Variants in ITPKB observed in about 807,000 individuals in gnomAD.
ITPKB encodes inositol-trisphosphate 3-kinase B.
Under a neutral mutation model 69.4 loss-of-function variants are expected in ITPKB, and 13 were observed. The observed-to-expected ratio is 0.19, with a 90% CI of 0.12 to 0.30. The LOEUF (loss-of-function observed/expected upper bound fraction) is 0.30. Ranked by LOEUF, ITPKB falls within the 10% of genes least tolerant of loss-of-function variation. The pLI is 1.00. For synonymous variants in ITPKB, 584 were observed against 513.7 expected, an observed-to-expected ratio of 1.14 and a Z score of -1.85; for missense variants, 1,240 against 1,250.5, an observed-to-expected ratio of 0.99 and a Z score of 0.13.
Position 226,647,222 on chromosome 1 carries a change from C to T in ITPKB, c.2191G>A (p.Asp731Asn). ...GGCGAGTCGAAGTCGGCCAGCAGGT[C>T]GTCCATCTGGTTGTAGCGCTCCCCG... ...KDGERYNQMD[D>N]LLADFDSPCV... Residue 731 changes from aspartate to asparagine, a missense_variant, in exon 4 of 8, where the codon GAC (aspartate) becomes AAC (asparagine). Transcript: ENST00000429204. 1 of 1,614,238 alleles carries T rather than the reference C, an allele frequency of 6.2e-7. No individual in the cohort carries two copies. The highest frequency in any genetic ancestry group is 8.5e-7 in the Non-Finnish European group (1 of 1,180,054).
intron 2 of ITPKB, among the ~76,000 whole-genome samples, chr1:226,674,272 T>G (rs1669680619): frequency 6.6e-6 from 1 of 152,156 alleles, no homozygotes; most frequent in South Asian, 2.1e-4. Flanking sequence ...CCATCTCGGC[T>G]CACTGCAACC....
intron 2 of ITPKB, among the ~76,000 whole-genome samples, chr1:226,717,000 C>G (rs1657112664): frequency 6.6e-6 from 1 of 152,158 alleles, no homozygotes; most frequent in South Asian, 2.1e-4. Flanking sequence ...GAGAAATAAC[C>G]ATGCCTTTTA....
Position 226,736,871 on chromosome 1 carries a change from C to T in ITPKB, c.588G>A (p.Arg196=), listed in dbSNP as rs752248466. Residue 196 remains arginine, a synonymous_variant, in exon 2 of 8, where the codon CGG becomes CGA. Coordinates refer to ENST00000429204, the MANE Select transcript of ITPKB (RefSeq NM_002221.4). ...PPGRVLVQGA[R]SEERRTKSWG... is the part of the protein sequence containing the mutation. ...AGGACTTTGTCCTCCGTTCCTCGCT[C>T]CGGGCGCCCTGAACCAGGACCCTTC... 2 of 1,611,232 alleles carry T rather than the reference C, an allele frequency of 1.2e-6. No homozygotes were observed. The highest frequency in any genetic ancestry group is 1.7e-6 in the Non-Finnish European group (2 of 1,180,026).
At chr1:226,732,581 A>T (rs934070766) in intron 2 of ITPKB, among the ~76,000 whole-genome samples, 1 of 151,656 alleles carries the variant, frequency 6.6e-6, no homozygotes, top group Non-Finnish European at 1.5e-5. Flanking sequence ...TGACAGAACA[A>T]TTTTGAAATA....
rs1393502648 is a variant in ITPKB, at chr1:226,738,418, G to C, written c.-206+623C>G. Among the ~76,000 whole-genome samples the C allele has an allele frequency of 6.6e-6, 1 of 152,222 alleles. No individual in the cohort carries two copies. Among genetic ancestry groups the C allele is most frequent in the Non-Finnish European group, 1.5e-5 (1 of 68,028 alleles). On this transcript the variant is annotated intron_variant, in intron 1 of 7. Coordinates refer to ENST00000429204, the MANE Select transcript of ITPKB (RefSeq NM_002221.4). This position sits in a 1 kb window ranked among gnomAD's most constrained non-coding sequence, Gnocchi z 4.2. ...CTACACGTTCTCTTTACCGGAACCAGTACTTGCTGCCCCCCTGCCGTCGTC... is the reference window on the plus strand; with the variant it reads ...CTACACGTTCTCTTTACCGGAACCACTACTTGCTGCCCCCCTGCCGTCGTC...
chr1:226,721,568 T>C (rs568167760), intron 2 of ITPKB, among the ~76,000 whole-genome samples: 5 of 151,764 alleles, frequency 3.3e-5, no homozygotes, highest in African/African-American at 1.2e-4. Context: ...CAATCTCAGC[T>C]CACTGCAACC....
chr1:226,733,722 G>A (rs1010638561), intron 2 of ITPKB, among the ~76,000 whole-genome samples: 7 of 152,096 alleles, frequency 4.6e-5, no homozygotes, highest in South Asian at 2.1e-4. Context: ...GGCTGGCCTC[G>A]TTTCTACCTC....
rs566386252 is a variant in ITPKB, at chr1:226,707,109, A to G, written c.1932+28418T>C. 1.6e-4 allele frequency: 134 copies of G among 829,868 alleles called. No individual in the cohort carries two copies. The South Asian group carries it at 4.7e-3, about 29-fold the overall frequency. The allele number at this position is 829,868 out of a possible 1,614,324, so 51.4% of individuals were successfully genotyped here. A position where few individuals can be genotyped will look rare whatever the true frequency, so the allele number is the denominator to read the frequency against. On this transcript the variant is annotated intron_variant, in intron 2 of 7. Coordinates refer to ENST00000429204, the MANE Select transcript of ITPKB (RefSeq NM_002221.4). ...TTCCAGGCCAGCGCAATTAAGAACAATTTCACAAGGAAATAAAGGGACCTA... is the reference window on the plus strand; with the variant it reads ...TTCCAGGCCAGCGCAATTAAGAACAGTTTCACAAGGAAATAAAGGGACCTA...
intron 2 of ITPKB, among the ~76,000 whole-genome samples, chr1:226,650,729 G>A (rs1190894388): frequency 1.3e-5 from 2 of 152,234 alleles, no homozygotes; most frequent in Non-Finnish European, 2.9e-5. Context: ...GTGGGAGGAG[G>A]GGAGCCCAGA....
intron 2 of ITPKB, among the ~76,000 whole-genome samples, chr1:226,729,601 CAG>C (rs1657529757): frequency 6.6e-6 from 1 of 151,478 alleles, no homozygotes; most frequent in Admixed American, 6.6e-5. Context: ...GTTTTTGAGA[CAG>C]AGTCTTGCTC....
chr1:226,734,707 G>A (rs1657694767), intron 2 of ITPKB, among the ~76,000 whole-genome samples: 1 of 152,178 alleles, frequency 6.6e-6, no homozygotes, highest in Non-Finnish European at 1.5e-5. Flanking sequence ...ATAAACTCCT[G>A]TCTACTGCCA....
chr1:226,705,526 T>A (rs1476890271), intron 2 of ITPKB, among the ~76,000 whole-genome samples: 2 of 112,088 alleles, frequency 1.8e-5, no homozygotes, highest in African/African-American at 3.3e-5. Flanking sequence ...CAAAACGCCA[T>A]CTCAAAAAAA....
At position 226,736,812 on chromosome 1, in the gene ITPKB, T is replaced by A. The variant is rs780636799; in HGVS notation, c.647A>T (p.Asp216Val). Reference sequence around the variant, plus strand: ...GCTGGGCCCTCCTTTCCTCCCGGAGTCGGTTCCTGAAGTCTCTGGACATTG... The same window carrying A: ...GCTGGGCCCTCCTTTCCTCCCGGAGACGGTTCCTGAAGTCTCTGGACATTG... ...GEQCPETSGT[D>V]SGRKGGPSLC... The change falls in exon 2 of 8, where the codon GAC becomes GTC. Residue 216 changes from aspartate (D) to valine (V), a missense_variant. Physicochemically the swap from Asp to Val is radical, Grantham distance 152. This residue lies in a region of ITPKB where 992 missense variants were observed against 853.8 expected (regional missense o/e 1.16). Coordinates refer to ENST00000429204, the MANE Select transcript of ITPKB (RefSeq NM_002221.4). 10 of 1,612,752 alleles carry A rather than the reference T, an allele frequency of 6.2e-6. No individual in the cohort carries two copies. The highest frequency in any genetic ancestry group is 8.5e-6 in the Non-Finnish European group (10 of 1,179,970).
chr1:226,704,130 T>C (rs1378139925), intron 2 of ITPKB, among the ~76,000 whole-genome samples: 3 of 152,136 alleles, frequency 2.0e-5, no homozygotes, highest in Non-Finnish European at 4.4e-5. Flanking sequence ...CCCTGAAAAT[T>C]TTTGATAATT....
At chr1:226,657,626 T>C (rs1669321333) in intron 2 of ITPKB, among the ~76,000 whole-genome samples, 1 of 152,256 alleles carries the variant, frequency 6.6e-6, no homozygotes, top group Non-Finnish European at 1.5e-5. Flanking sequence ...TCACGTTACA[T>C]GTCTAACATA....
intron 2 of ITPKB, among the ~76,000 whole-genome samples, chr1:226,669,724 A>G (rs1482806701): frequency 6.6e-6 from 1 of 152,256 alleles, no homozygotes; most frequent in Admixed American, 6.5e-5. Context: ...TAAGTTTTAT[A>G]TACAAAGAAC....
At chr1:226,729,590 T>C (rs945461156) in intron 2 of ITPKB, among the ~76,000 whole-genome samples, 4 of 151,980 alleles carry the variant, frequency 2.6e-5, no homozygotes, top group African/African-American at 9.7e-5. Flanking sequence ...TTTTTGTTTT[T>C]GTTTTTGAGA....
rs991870151 is a variant in ITPKB, at chr1:226,637,256, C to T, written c.2625+423G>A. On this transcript the variant is annotated intron_variant, in intron 7 of 7. Coordinates refer to ENST00000429204, the MANE Select transcript of ITPKB (RefSeq NM_002221.4). The surrounding 1 kb of genome is among the most constrained non-coding windows in gnomAD (Gnocchi z 4.3). Reference sequence around the variant, plus strand: ...TATGCAAAGTTGGGAGATTCCAGCCCTGCCCGAGAGTGGCACCTGAAGACC... The same window carrying T: ...TATGCAAAGTTGGGAGATTCCAGCCTTGCCCGAGAGTGGCACCTGAAGACC... Among the ~76,000 whole-genome samples, 4 of 152,230 alleles carry T rather than the reference C, an allele frequency of 2.6e-5. No individual in the cohort carries two copies. Among genetic ancestry groups the T allele is most frequent in the Admixed American group, 6.5e-5 (1 of 15,290 alleles).
At chr1:226,710,777 C>T (rs776889548) in intron 2 of ITPKB, among the ~76,000 whole-genome samples, 9 of 152,236 alleles carry the variant, frequency 5.9e-5, no homozygotes, top group Admixed American at 3.3e-4. Flanking sequence ...ACACCAGTGA[C>T]GCCAACTCTA....
Sources: gnomAD v4.1 joint callset for allele counts (sites outside exome capture counted in the v4.1 genomes callset) on GRCh38, gnomAD v4.1.1 for gene constraint, gnomAD v4.1.1 regional missense constraint, Gnocchi (gnomAD v3.1) non-coding constraint, MANE v1.5 for transcripts, NCBI Gene and HGNC (gene_info 2026-07-23, HGNC 2026-07-21) for gene names.